NTRK1: variants seen among roughly 807,000 people sequenced by gnomAD.
NTRK1 encodes the protein neurotrophic receptor tyrosine kinase 1, also known as high affinity nerve growth factor receptor.
A neutral mutation model predicts 86.8 loss-of-function variants in NTRK1; 62 were observed. The observed-to-expected ratio is 0.71, with a 90% confidence interval of 0.58 to 0.88. The LOEUF (loss-of-function observed/expected upper bound fraction) is 0.88. NTRK1 is among the 40% of genes least tolerant of loss of function. The pLI is 0.00. For synonymous variants in NTRK1, 469 were observed against 456.6 expected, an observed-to-expected ratio of 1.03 and a Z score of -0.35; for missense variants, 967 against 1,078.4, an observed-to-expected ratio of 0.90 and a Z score of 1.45.
chr1:156,874,531 G>A (rs992587375), intron 9 of NTRK1, 40 bp from the exon 10 acceptor site: 5 of 1,613,516 alleles, frequency 3.1e-6, no homozygotes, highest in Non-Finnish European at 4.2e-6. Context: ...AGGCTACAGT[G>A]TGTGTCAAGG....
In NTRK1 at chr1:156,873,018, A is replaced by AGTGTGTGTGTGTGTGT. The variant is rs55870362; in HGVS notation, c.851-586_851-571dup. Among the ~76,000 whole-genome samples, 71 of 131,014 alleles carry AGTGTGTGTGTGTGTGT rather than the reference A, an allele frequency of 5.4e-4. 1 individual carries two copies. The highest frequency in any genetic ancestry group is 7.9e-4 in the Admixed American group (10 of 12,644). 86.0% of individuals were successfully genotyped at this position (131,014 alleles called of 152,430 possible). A position where few individuals can be genotyped will look rare whatever the true frequency, so the allele number is the denominator to read the frequency against. On this transcript the variant is annotated intron_variant, in intron 7 of 16. Transcript: ENST00000524377. ...CAAACGCATATCTTTTTTCAAAAAG[A>AGTGTGTGTGTGTGTGT]GTGTGTGTGTGTGTGTGTGTGTGTG...
intron 14 of NTRK1, 26 bp downstream of exon 14, chr1:156,876,598 G>A (rs2102920297): frequency 6.3e-7 from 1 of 1,598,952 alleles, no homozygotes; most frequent in Non-Finnish European, 8.5e-7. Flanking sequence ...CTCAGCGCTG[G>A]CCCCGGCCCC....
At chr1:156,841,419 C>G in intron 1 of NTRK1, 12 of 1,613,888 alleles carry the variant, frequency 7.4e-6, no homozygotes, top group African/African-American at 1.3e-5. Flanking sequence ...CCCTCCAGCT[C>G]CTCCAGGACC....
At chr1:156,874,697 A>ATTT in intron 10 of NTRK1, 71 bp downstream of exon 10, 1 of 1,488,280 alleles carries the variant, frequency 6.7e-7, no homozygotes, top group Non-Finnish European at 9.3e-7. Flanking sequence ...TCTGCATGTC[A>ATTT]TTTCTGGTCA....
intron 15 of NTRK1, 49 bp from the exon 16 acceptor site, chr1:156,879,950 G>GTCCCA (rs2102926775): frequency 1.2e-6 from 2 of 1,607,308 alleles, no homozygotes; most frequent in East Asian, 4.5e-5. Context: ...GTGCCTTGAC[G>GTCCCA]GGCTGTCCCA....
chr1:156,849,845 G>C (rs190872934), intron 2 of NTRK1, among the ~76,000 whole-genome samples: 1 of 151,910 alleles, frequency 6.6e-6, no homozygotes, highest in African/African-American at 2.4e-5. Flanking sequence ...GGACACTCTC[G>C]GTGTACATGC....
intron 1 of NTRK1, among the ~76,000 whole-genome samples, chr1:156,836,695 G>A (rs61813767): frequency 0.57 from 85,755 of 151,570 alleles, 26,052 homozygotes; most frequent in East Asian, 0.8. Flanking sequence ...TGCTAAGTCG[G>A]GGAGGCCAAA....
At chr1:156,867,916 G>T (rs181615008) in intron 4 of NTRK1, among the ~76,000 whole-genome samples, 188 bp from the exon 5 acceptor site, 2 of 146,338 alleles carry the variant, frequency 1.4e-5, no homozygotes, top group Admixed American at 6.7e-5. Flanking sequence ...CTTGTGATCC[G>T]CCCGCCTCGG....
intron 3 of NTRK1, among the ~76,000 whole-genome samples, chr1:156,865,687 C>T (rs1468974714): frequency 1.3e-5 from 2 of 152,178 alleles, no homozygotes; most frequent in African/African-American, 2.4e-5. Context: ...TTGGGGACCC[C>T]TGCTGTAGGA....
intron 2 of NTRK1, chr1:156,846,435 G>A (rs968538179): frequency 1.1e-5 from 12 of 1,134,668 alleles, no homozygotes; most frequent in South Asian, 2.7e-5. Flanking sequence ...TCAGTGCCCC[G>A]GCTTCTCTAT....
Position 156,871,748 on chromosome 1 carries a change from C to T in NTRK1, c.843C>T (p.Asn281=), listed in dbSNP as rs749280653. The change falls in exon 7 of 17, where the codon AAC becomes AAT. Residue 281 remains asparagine (N), a synonymous_variant. Coordinates refer to ENST00000524377, the MANE Select transcript of NTRK1 (RefSeq NM_002529.4). ...GGGCAGAGGTCTCTGTTCAGGTCAA[C>T]GTCTCCTGTGAGTCTCAGTGGCAGC... ...VGRAEVSVQV[N]VSFPASVQLH... 14 of 1,614,076 alleles carry T rather than the reference C, an allele frequency of 8.7e-6. No individual in the cohort carries two copies. Among genetic ancestry groups the T allele is most frequent in the East Asian group, 6.7e-5 (3 of 44,892 alleles).
In NTRK1 at chr1:156,854,254, C is replaced by T; in HGVS notation, c.51-10100C>T. On this transcript the variant is annotated intron_variant, in intron 2 of 16. Transcript: ENST00000392302. The surrounding 1 kb of genome is among the most constrained non-coding windows in gnomAD (Gnocchi z 4.2). Reference sequence around the variant, plus strand: ...GGCCCTCCACCACGCTGCAGTTCTCCAGCTGACGAAGCTCTGCCACCTCTG... The same window carrying T: ...GGCCCTCCACCACGCTGCAGTTCTCTAGCTGACGAAGCTCTGCCACCTCTG... The T allele has an allele frequency of 6.2e-7, 1 of 1,613,732 alleles. No individual in the cohort carries two copies.
Position 156,843,235 on chromosome 1 carries a change from T to G in NTRK1, c.50+1042T>G, listed in dbSNP as rs1230568135. 3.7e-6 allele frequency: 6 copies of G among 1,613,542 alleles called. 1 individual carries two copies. The South Asian group carries it at 6.6e-5, about 18-fold the overall frequency. On this transcript the variant is annotated intron_variant, in intron 2 of 16. Transcript: ENST00000392302. ...CCTCCCATTCATCAGGGACATACACTGCAAGGAGGTGGAGGGTCACAAAGC... is the reference window on the plus strand; with the variant it reads ...CCTCCCATTCATCAGGGACATACACGGCAAGGAGGTGGAGGGTCACAAAGC...
intron 2 of NTRK1, chr1:156,846,430 G>A: frequency 1.9e-6 from 2 of 1,080,014 alleles, no homozygotes; most frequent in Non-Finnish European, 2.8e-6. Context: ...GGTGTTCAGT[G>A]CCCCGGCTTC....
chr1:156,842,747 A>G (rs1418002783), intron 2 of NTRK1, among the ~76,000 whole-genome samples: 2 of 151,956 alleles, frequency 1.3e-5, no homozygotes, highest in African/African-American at 4.8e-5. Flanking sequence ...CCCAATCAGG[A>G]CTCTAATAAT....
Position 156,841,859 on chromosome 1 carries a change from CT to C in NTRK1, c.-63-221del, listed in dbSNP as rs1403790005. The C allele has an allele frequency of 2.5e-6, 4 of 1,612,290 alleles. No individual in the cohort carries two copies. The African/African-American group carries it at 5.3e-5, about 22-fold the overall frequency. On this transcript the variant is annotated intron_variant, in intron 1 of 16. Coordinates refer to the NTRK1 transcript ENST00000392302. ...AAGAGCCACGCACTAGCTCCTGCCC[CT>C]GGGATACCTCTCCCAATCTTCTCAT...
At chr1:156,864,833 G>A in intron 3 of NTRK1, 34 bp downstream of exon 3, 2 of 1,599,402 alleles carry the variant, frequency 1.3e-6, no homozygotes, top group South Asian at 1.1e-5. Context: ...GTGGGAGTTG[G>A]GGAGGACACC....
At chr1:156,866,404 C>T (rs554375035) in intron 3 of NTRK1, among the ~76,000 whole-genome samples, 1 of 152,290 alleles carries the variant, frequency 6.6e-6, no homozygotes, top group South Asian at 2.1e-4. Flanking sequence ...CCTGCCTGAC[C>T]TTTTAGTCCC....
intron 2 of NTRK1, among the ~76,000 whole-genome samples, chr1:156,852,500 G>A (rs1006679749): frequency 1.3e-5 from 2 of 152,350 alleles, no homozygotes; most frequent in East Asian, 3.9e-4. Context: ...TCCTATCTAG[G>A]CCTGGTGCCC....
Sources: gnomAD v4.1 joint callset for allele counts (sites outside exome capture counted in the v4.1 genomes callset) on GRCh38, gnomAD v4.1.1 for gene constraint, Gnocchi (gnomAD v3.1) non-coding constraint, MANE v1.5 for transcripts, NCBI Gene and HGNC (gene_info 2026-07-23, HGNC 2026-07-21) for gene names.